SNTG1: variants seen among roughly 807,000 people sequenced by gnomAD.
SNTG1 encodes gamma-1-syntrophin.
A neutral mutation model predicts 74.7 loss-of-function variants in SNTG1; 39 were observed. That is an observed-to-expected ratio of 0.52 (90% CI 0.40 to 0.68). The LOEUF is 0.68. Ranked by LOEUF, SNTG1 falls within the 30% of genes least tolerant of loss-of-function variation. The pLI is 0.00. For missense variants in SNTG1, 685 were observed against 609.5 expected (o/e 1.12, Z -1.30); for synonymous variants, 254 against 217.1 (o/e 1.17, Z -1.49).
chr8:50,791,814 T>A (rs1365810944), intron 18 of SNTG1, among the ~76,000 whole-genome samples: 4 of 151,972 alleles, frequency 2.6e-5, no homozygotes, highest in African/African-American at 9.6e-5. Context: ...CTTTCAATCA[T>A]CTTGAAATTA....
At chr8:49,996,946 G>A (rs567068419) in intron 1 of SNTG1, among the ~76,000 whole-genome samples, 2 of 152,192 alleles carry the variant, frequency 1.3e-5, no homozygotes, top group East Asian at 3.9e-4. Flanking sequence ...ATAGTAAGAC[G>A]ATTTGAACTT....
chr8:50,512,446 A>G (rs2129968824), intron 9 of SNTG1, among the ~76,000 whole-genome samples: 1 of 152,156 alleles, frequency 6.6e-6, no homozygotes, highest in South Asian at 2.1e-4. Flanking sequence ...GTATTTCCTG[A>G]ATTTGAATGT....
Position 50,200,527 on chromosome 8 carries a change from A to G in SNTG1, c.-28+27892A>G, listed in dbSNP as rs2083944915. On this transcript the variant is annotated intron_variant, in intron 2 of 18. Coordinates refer to ENST00000642720, the MANE Select transcript of SNTG1 (RefSeq NM_018967.5). ...CTGTGTGGAAAGATGTGTACTTGTAATTCTCTGCTCTCTCTTAAAATCTGG... is the reference window on the plus strand; with the variant it reads ...CTGTGTGGAAAGATGTGTACTTGTAGTTCTCTGCTCTCTCTTAAAATCTGG... Among the ~76,000 whole-genome samples, 3 of 152,174 alleles carry G rather than the reference A, an allele frequency of 2.0e-5. No homozygotes were observed. In the South Asian group the frequency reaches 6.2e-4, roughly 31 times the overall value.
At chr8:50,768,021 TACATA>T (rs1209637212) in intron 18 of SNTG1, among the ~76,000 whole-genome samples, 3 of 151,972 alleles carry the variant, frequency 2.0e-5, no homozygotes, top group Non-Finnish European at 1.5e-5. Flanking sequence ...TTTTGTACAG[TACATA>T]AGAGAAGGGA....
At chr8:50,627,041 A>G (rs2094961141) in intron 13 of SNTG1, among the ~76,000 whole-genome samples, 1 of 152,086 alleles carries the variant, frequency 6.6e-6, no homozygotes, top group Non-Finnish European at 1.5e-5. Context: ...TGTCGACTGC[A>G]CAGCTTATTA....
At chr8:50,236,742 G>A (rs546785054) in intron 2 of SNTG1, among the ~76,000 whole-genome samples, 43 of 152,006 alleles carry the variant, frequency 2.8e-4, no homozygotes, top group African/African-American at 9.9e-4. Context: ...GAGCCACCGC[G>A]CCCGGCCAAA....
chr8:50,670,966 G>A (rs1266137463), intron 15 of SNTG1, among the ~76,000 whole-genome samples: 1 of 150,762 alleles, frequency 6.6e-6, no homozygotes, highest in Non-Finnish European at 1.5e-5. Flanking sequence ...TTAATAAATG[G>A]TGCTGGGAAA....
intron 15 of SNTG1, among the ~76,000 whole-genome samples, chr8:50,681,722 C>T (rs1318360409): frequency 6.6e-6 from 1 of 152,176 alleles, no homozygotes; most frequent in East Asian, 1.9e-4. Flanking sequence ...TTTAGGAATT[C>T]CCAACCTATT....
chr8:50,490,090 G>A (rs2093837740), intron 8 of SNTG1, among the ~76,000 whole-genome samples: 1 of 152,138 alleles, frequency 6.6e-6, no homozygotes, highest in Admixed American at 6.6e-5. Flanking sequence ...TAGATGTGTA[G>A]CATTATTTCT....
At chr8:50,344,415 G>A (rs1192232160) in intron 2 of SNTG1, among the ~76,000 whole-genome samples, 2 of 152,124 alleles carry the variant, frequency 1.3e-5, no homozygotes, top group Non-Finnish European at 2.9e-5. Context: ...TGGGAGGCAG[G>A]CAGCCTCACA....
Position 50,796,468 on chromosome 8 carries a change from A to G in SNTG1, c.*3639A>G, listed in dbSNP as rs1277962702. 1 of 151,914 alleles carries G rather than the reference A, an allele frequency of 6.6e-6. No homozygotes were observed. Among genetic ancestry groups the G allele is most frequent in the Non-Finnish European group, 1.5e-5 (1 of 67,908 alleles). 9.4% of individuals were successfully genotyped at this position (151,914 alleles called of 1,614,324 possible). On this transcript the variant is annotated 3_prime_UTR_variant, in exon 19 of 19. Coordinates refer to ENST00000642720, the MANE Select transcript of SNTG1 (RefSeq NM_018967.5). Reference sequence around the variant, plus strand: ...TTGAAAATAAAATATTATAAATGTTATATATTTTATACATGTTAAAATGCA... The same window carrying G: ...TTGAAAATAAAATATTATAAATGTTGTATATTTTATACATGTTAAAATGCA...
At chr8:50,433,381 G>A (rs2093263211) in intron 4 of SNTG1, among the ~76,000 whole-genome samples, 1 of 151,938 alleles carries the variant, frequency 6.6e-6, no homozygotes, top group Non-Finnish European at 1.5e-5. Context: ...GATATTGAAT[G>A]GCAATGGTGA....
chr8:49,976,290 A>G (rs940495424), intron 1 of SNTG1, among the ~76,000 whole-genome samples: 2 of 152,200 alleles, frequency 1.3e-5, no homozygotes, highest in African/African-American at 4.8e-5. Flanking sequence ...TATTTATATG[A>G]AATTATATTA....
chr8:50,420,826 A>C (rs576213027), intron 4 of SNTG1, among the ~76,000 whole-genome samples: 1 of 152,008 alleles, frequency 6.6e-6, no homozygotes, highest in South Asian at 2.1e-4. Flanking sequence ...AGAGATCAAG[A>C]CCATCTTGGC....
At chr8:50,562,938 G>A (rs999409596) in intron 12 of SNTG1, among the ~76,000 whole-genome samples, 2 of 152,122 alleles carry the variant, frequency 1.3e-5, no homozygotes, top group African/African-American at 2.4e-5. Flanking sequence ...TTGCATTCAC[G>A]CAGTCTGAGC....
rs547065648 is a variant in SNTG1 at position 50,604,614 on chromosome 8, C to T, written c.849+13697C>T. On this transcript the variant is annotated intron_variant, in intron 13 of 18. Coordinates refer to ENST00000642720, the MANE Select transcript of SNTG1 (RefSeq NM_018967.5). ...CTCTTCAGTGTGCTTGTGGTGAATG[C>T]TGCCAGGCCTTGGAGTCATTCTTCA... Among the ~76,000 whole-genome samples the T allele has an allele frequency of 3.5e-4, 54 of 152,116 alleles. 1 individual carries two copies. The South Asian group carries it at 0.011, about 30-fold the overall frequency.
chr8:50,109,340 T>G (rs2080495242), intron 1 of SNTG1, among the ~76,000 whole-genome samples: 1 of 152,194 alleles, frequency 6.6e-6, no homozygotes, highest in Non-Finnish European at 1.5e-5. Flanking sequence ...GCAATTCATA[T>G]TCACTTTCAA....
intron 5 of SNTG1, among the ~76,000 whole-genome samples, chr8:50,445,113 A>G (rs943386513): frequency 6.6e-6 from 1 of 152,142 alleles, no homozygotes; most frequent in Admixed American, 6.5e-5. Context: ...AGACTTTCAT[A>G]TGAAGGTAAT....
intron 1 of SNTG1, among the ~76,000 whole-genome samples, chr8:49,925,197 T>C (rs1806911480): frequency 6.6e-6 from 1 of 152,102 alleles, no homozygotes. Context: ...GATGCAGCTA[T>C]GCACAGTTAT....
Sources: gnomAD v4.1 joint callset for allele counts (sites outside exome capture counted in the v4.1 genomes callset) on GRCh38, gnomAD v4.1.1 for gene constraint, MANE v1.5 for transcripts, NCBI Gene and HGNC (gene_info 2026-07-23, HGNC 2026-07-21) for gene names.